HSPBAP1: variants seen among roughly 807,000 people sequenced by gnomAD.
HSPBAP1 encodes the protein HSPB1 associated protein 1.
A neutral mutation model predicts 45.2 loss-of-function variants in HSPBAP1; 27 were observed. The ratio of observed to expected loss-of-function variants is 0.60; its 90% CI spans 0.44 to 0.82. HSPBAP1 has a LOEUF of 0.82. Ranked by LOEUF, HSPBAP1 falls within the 40% of genes least tolerant of loss-of-function variation. The pLI is 0.00. For synonymous variants in HSPBAP1, 204 were observed against 202.7 expected (o/e 1.01, Z -0.06); for missense variants, 510 against 590.9 (o/e 0.86, Z 1.42).
chr3:122,763,462 G>GTGT (rs1553754062), intron 3 of HSPBAP1, among the ~76,000 whole-genome samples: 2 of 151,224 alleles, frequency 1.3e-5, no homozygotes, highest in Admixed American at 6.6e-5. Flanking sequence ...AGCTGTGTGT[G>GTGT]TTTTTTTTTA....
At chr3:122,748,013 A>C (rs61829229) in intron 6 of HSPBAP1, among the ~76,000 whole-genome samples, 1 of 152,128 alleles carries the variant, frequency 6.6e-6, no homozygotes, top group Admixed American at 6.5e-5. Context: ...AGACATGGGA[A>C]ACTTTTCATT....
intron 4 of HSPBAP1, among the ~76,000 whole-genome samples, chr3:122,756,155 T>A (rs1295735636): frequency 6.6e-6 from 1 of 152,004 alleles, no homozygotes; most frequent in Non-Finnish European, 1.5e-5. Context: ...GACCCAGACA[T>A]CTAGATGTCT....
chr3:122,789,150 T>C (rs1199025709), intron 1 of HSPBAP1, among the ~76,000 whole-genome samples: 1 of 152,186 alleles, frequency 6.6e-6, no homozygotes. Flanking sequence ...AAAAATGACA[T>C]GGTGAGTACG....
chr3:122,762,125 T>C (rs957665018), intron 3 of HSPBAP1, among the ~76,000 whole-genome samples: 1 of 152,188 alleles, frequency 6.6e-6, no homozygotes, highest in African/African-American at 2.4e-5. Context: ...GCTAGCTAGT[T>C]GACCACTTAC....
chr3:122,765,142 CCTAAGGTAATTTTT>C (rs1226703345), intron 3 of HSPBAP1, among the ~76,000 whole-genome samples: 1 of 152,066 alleles, frequency 6.6e-6, no homozygotes, highest in Non-Finnish European at 1.5e-5. Flanking sequence ...TGTTTATGTA[CCTAAGGTAATTTTT>C]CTAAGGAAAA....
intron 1 of HSPBAP1, among the ~76,000 whole-genome samples, chr3:122,790,061 C>T (rs1005933577): frequency 1.3e-5 from 2 of 152,132 alleles, no homozygotes; most frequent in Admixed American, 6.5e-5. Flanking sequence ...CAGGGTTTCA[C>T]TATGTTGCCC....
rs751228944 is a variant in HSPBAP1 at position 122,777,764 on chromosome 3, G to A, written c.207C>T (p.Gly69=). Residue 69 remains glycine (G), a synonymous_variant, in exon 2 of 8, where the codon GGC becomes GGT. Transcript: ENST00000306103. Reference sequence around the variant, plus strand: ...TCCCCATTCTGAATCGTATCTGCTTGCCATGAAGGACCTGCGAAAGGTATT... The same window carrying A: ...TCCCCATTCTGAATCGTATCTGCTTACCATGAAGGACCTGCGAAAGGTATT... The part of the protein sequence containing the change: ...NAKYLSQVLH[G]KQIRFRMGMK... 6.2e-7 allele frequency: 1 copy of A among 1,613,832 alleles called. No individual in the cohort carries two copies. The highest frequency in any genetic ancestry group is 8.5e-7 in the Non-Finnish European group (1 of 1,179,936).
chr3:122,765,106 A>G (rs1934729683), intron 3 of HSPBAP1, among the ~76,000 whole-genome samples: 1 of 152,166 alleles, frequency 6.6e-6, no homozygotes, highest in East Asian at 1.9e-4. Context: ...GGAATGTAAG[A>G]ATTAAGGTGT....
chr3:122,741,708 C>T (rs759920322), intron 6 of HSPBAP1: 19 of 152,022 alleles, frequency 1.2e-4, no homozygotes, highest in Admixed American at 2.6e-4. Context: ...ATAATCTACA[C>T]ATATCAATAA....
chr3:122,759,506 C>T, intron 3 of HSPBAP1, 146 bp from the exon 4 acceptor site: 1 of 834,530 alleles, frequency 1.2e-6, no homozygotes. Context: ...GTTAGGTTTC[C>T]AGGGCAGTTC....
At chr3:122,749,018 T>C (rs956405277) in intron 6 of HSPBAP1, among the ~76,000 whole-genome samples, 1 of 152,112 alleles carries the variant, frequency 6.6e-6, no homozygotes, top group Non-Finnish European at 1.5e-5. Flanking sequence ...GAATAAAGGA[T>C]AGAAAATTTA....
intron 3 of HSPBAP1, among the ~76,000 whole-genome samples, chr3:122,767,826 C>T (rs1319642494): frequency 6.6e-6 from 1 of 151,986 alleles, no homozygotes; most frequent in Non-Finnish European, 1.5e-5. Context: ...ATATGAAAGC[C>T]AAGTCCAGAG....
At chr3:122,775,871 G>A (rs1374800283) in intron 2 of HSPBAP1, among the ~76,000 whole-genome samples, 1 of 152,048 alleles carries the variant, frequency 6.6e-6, no homozygotes, top group African/African-American at 2.4e-5. Flanking sequence ...TGACTCAAAC[G>A]TCCATCAACT....
chr3:122,776,084 A>G (rs1286761383), intron 2 of HSPBAP1, among the ~76,000 whole-genome samples: 1 of 152,196 alleles, frequency 6.6e-6, no homozygotes, highest in East Asian at 1.9e-4. Context: ...ACAGAAAGTA[A>G]ATCAGTGGTT....
chr3:122,748,639 G>A (rs911009670), intron 6 of HSPBAP1, among the ~76,000 whole-genome samples: 1 of 152,088 alleles, frequency 6.6e-6, no homozygotes, highest in Non-Finnish European at 1.5e-5. Flanking sequence ...TACTACTAAT[G>A]GAAATGCAAA....
chr3:122,755,998 A>G (rs1934342888), intron 4 of HSPBAP1, among the ~76,000 whole-genome samples: 1 of 152,242 alleles, frequency 6.6e-6, no homozygotes, highest in South Asian at 2.1e-4. Context: ...TTTTCAAAGA[A>G]AACTGTTAAA....
rs1386011919 is a variant in HSPBAP1 at position 122,780,490 on chromosome 3, A to G, written c.65-2584T>C. Among the ~76,000 whole-genome samples, 345 of 82,592 alleles carry G rather than the reference A, an allele frequency of 4.2e-3. 6 individuals carry two copies. The highest frequency in any genetic ancestry group is 5.0e-3 in the Non-Finnish European group (223 of 44,902). The allele number at this position is 82,592 out of a possible 152,430, so 54.2% of individuals were successfully genotyped here. A position where few individuals can be genotyped will look rare whatever the true frequency, so the allele number is the denominator to read the frequency against. On this transcript the variant is annotated intron_variant, in intron 1 of 7. Transcript: ENST00000306103. ...GCGCCCCTCACCTCCCGGACGGGGC[A>G]GCTGGCCGGGCGGGGGCTGACCCCC...
chr3:122,756,725 C>T (rs920874025), intron 4 of HSPBAP1, among the ~76,000 whole-genome samples: 2 of 151,200 alleles, frequency 1.3e-5, no homozygotes, highest in Non-Finnish European at 2.9e-5. Context: ...AAATTCATTT[C>T]GGAGCTATAA....
chr3:122,765,740 T>C (rs1934756748), intron 3 of HSPBAP1, among the ~76,000 whole-genome samples: 1 of 152,192 alleles, frequency 6.6e-6, no homozygotes, highest in Non-Finnish European at 1.5e-5. Context: ...ATTTGGAAGA[T>C]CTACTAATTC....
Sources: gnomAD v4.1 joint callset for allele counts (sites outside exome capture counted in the v4.1 genomes callset) on GRCh38, gnomAD v4.1.1 for gene constraint, MANE v1.5 for transcripts, NCBI Gene and HGNC (gene_info 2026-07-23, HGNC 2026-07-21) for gene names.